ITPR2: variants seen among roughly 807,000 people sequenced by gnomAD.
ITPR2 encodes inositol 1,4,5-trisphosphate-gated calcium channel ITPR2.
Under a neutral mutation model 317.1 loss-of-function variants are expected in ITPR2, and 207 were observed. The observed-to-expected ratio is 0.65, with a 90% confidence interval of 0.58 to 0.73. ITPR2 has a LOEUF of 0.73. Ranked by LOEUF, ITPR2 falls within the 30% of genes least tolerant of loss-of-function variation. The pLI is 0.00. For missense variants in ITPR2, 2,613 were observed against 3,284.0 expected, an observed-to-expected ratio of 0.80 and a Z score of 4.99; for synonymous variants, 1,156 against 1,149.1, an observed-to-expected ratio of 1.01 and a Z score of -0.12.
At chr12:26,668,718 T>G (rs1226123152) in intron 13 of ITPR2, among the ~76,000 whole-genome samples, 1 of 152,078 alleles carries the variant, frequency 6.6e-6, no homozygotes. Context: ...GAGTGTGTAT[T>G]CAGTCTTCAA....
chr12:26,780,871 G>A (rs1950062952), intron 2 of ITPR2, among the ~76,000 whole-genome samples: 1 of 152,086 alleles, frequency 6.6e-6, no homozygotes, highest in Non-Finnish European at 1.5e-5. Context: ...CCACCAGGAG[G>A]CACAATTACA....
intron 37 of ITPR2, among the ~76,000 whole-genome samples, chr12:26,526,997 T>C (rs1232294427): frequency 1.3e-5 from 2 of 152,216 alleles, no homozygotes; most frequent in Admixed American, 6.5e-5. Context: ...TTCTACCTTC[T>C]TTATGAAATA....
intron 1 of ITPR2, among the ~76,000 whole-genome samples, chr12:26,817,907 C>A (rs546753655): frequency 9.5e-4 from 145 of 152,292 alleles, no homozygotes; most frequent in African/African-American, 3.3e-3. Flanking sequence ...AAATACCTGA[C>A]TGCAAAGTAT....
intron 45 of ITPR2, among the ~76,000 whole-genome samples, chr12:26,460,597 G>A (rs1941994004): frequency 6.6e-6 from 1 of 152,150 alleles, no homozygotes; most frequent in African/African-American, 2.4e-5. Flanking sequence ...GAAGGAAGCT[G>A]AGAAGGTGAA....
intron 25 of ITPR2, among the ~76,000 whole-genome samples, chr12:26,622,023 G>A (rs1946507441): frequency 6.6e-6 from 1 of 152,142 alleles, no homozygotes; most frequent in African/African-American, 2.4e-5. Context: ...CCTTTCATTT[G>A]TTTTAAAGAC....
At chr12:26,376,697 T>TC in intron 55 of ITPR2, among the ~76,000 whole-genome samples, 1 of 150,406 alleles carries the variant, frequency 6.6e-6, no homozygotes, top group Non-Finnish European at 1.5e-5. Flanking sequence ...CAATTCTTTC[T>TC]TTTTTTTTCT....
chr12:26,677,327 C>T (rs987128472), intron 13 of ITPR2, among the ~76,000 whole-genome samples: 1 of 152,256 alleles, frequency 6.6e-6, no homozygotes, highest in Admixed American at 6.5e-5. Flanking sequence ...CAGCCAGGCA[C>T]GGTGGCTCAC....
At chr12:26,719,292 T>C (rs1189512252) in intron 5 of ITPR2, among the ~76,000 whole-genome samples, 1 of 152,220 alleles carries the variant, frequency 6.6e-6, no homozygotes, top group Non-Finnish European at 1.5e-5. Context: ...TGGGGTCAGG[T>C]GCTTTCTGAG....
chr12:26,498,775 A>C (rs1036261479), intron 37 of ITPR2, among the ~76,000 whole-genome samples: 1 of 152,228 alleles, frequency 6.6e-6, no homozygotes, highest in Admixed American at 6.5e-5. Flanking sequence ...TATTGTGAAG[A>C]GGACTGAACC....
At chr12:26,461,063 G>C (rs1942007237) in intron 45 of ITPR2, among the ~76,000 whole-genome samples, 1 of 152,140 alleles carries the variant, frequency 6.6e-6, no homozygotes, top group Admixed American at 6.5e-5. Context: ...GGCTTCCACT[G>C]TCCATAGAAT....
chr12:26,559,372 T>C (rs954957804), intron 35 of ITPR2, among the ~76,000 whole-genome samples: 15 of 152,246 alleles, frequency 9.9e-5, no homozygotes, highest in African/African-American at 3.1e-4. Flanking sequence ...CTCATAGTTC[T>C]GGAGGCTGCA....
chr12:26,725,698 T>A lies in ITPR2; in HGVS notation c.231A>T (p.Gln77His), dbSNP rs1185726988. 6.2e-7 allele frequency: 1 copy of A among 1,613,480 alleles called. No individual in the cohort carries two copies. Among genetic ancestry groups the A allele is most frequent in the Non-Finnish European group, 8.5e-7 (1 of 1,179,560 alleles). ...SAQKQYWKAKQAKQGNHTEAA... is the reference protein window; with the variant it reads ...SAQKQYWKAKHAKQGNHTEAA... ...CCTCGGTGTGGTTCCCTTGTTTGGC[T>A]TGCTTTGCTTTCCAATATTGCTTCT... Residue 77 changes from glutamine to histidine, a missense_variant, in exon 3 of 57, where the codon CAA becomes CAT. Physicochemically the swap from Gln to His is conservative, Grantham distance 24. Around this residue, in one of 9 missense-constraint regions of ITPR2, gnomAD observed 515 missense variants for 789.4 expected, o/e 0.65. Transcript: ENST00000381340.
chr12:26,518,535 G>C (rs866038530), intron 37 of ITPR2, among the ~76,000 whole-genome samples: 1 of 147,626 alleles, frequency 6.8e-6, no homozygotes, highest in African/African-American at 2.7e-5. Context: ...GTCGGGGAAG[G>C]GGGGGCGGGA....
intron 26 of ITPR2, among the ~76,000 whole-genome samples, chr12:26,619,428 C>A (rs1946445985): frequency 6.6e-6 from 1 of 152,150 alleles, no homozygotes; most frequent in Admixed American, 6.6e-5. Context: ...GTGGTGTATC[C>A]TAGCTTGGGC....
At chr12:26,428,153 T>G in intron 48 of ITPR2, 65 bp from the exon 49 acceptor site, 1 of 1,274,626 alleles carries the variant, frequency 7.8e-7, no homozygotes, top group African/African-American at 1.5e-5. Flanking sequence ...AAATATTTGC[T>G]GCTCTACTTT....
intron 2 of ITPR2, among the ~76,000 whole-genome samples, chr12:26,733,874 T>A (rs971477179): frequency 6.6e-6 from 1 of 152,206 alleles, no homozygotes; most frequent in Non-Finnish European, 1.5e-5. Flanking sequence ...ATAAGCTGAC[T>A]GATTCAGAAA....
At chr12:26,780,477 T>C (rs1286343060) in intron 2 of ITPR2, among the ~76,000 whole-genome samples, 1 of 152,188 alleles carries the variant, frequency 6.6e-6, no homozygotes, top group Non-Finnish European at 1.5e-5. Flanking sequence ...ACTCACTTTA[T>C]AGCTAAAGAA....
intron 55 of ITPR2, among the ~76,000 whole-genome samples, chr12:26,351,068 G>T (rs1193665284): frequency 6.6e-6 from 1 of 152,210 alleles, no homozygotes; most frequent in Non-Finnish European, 1.5e-5. Flanking sequence ...AATAACTTTA[G>T]CAGCACTGCT....
chr12:26,495,252 T>A lies in ITPR2; in HGVS notation c.5082A>T (p.Thr1694=). ...KKDSFVEEGN[T]LRKILLNRYF... ...ATCGATTCAGAAGTATCTTTCTTAA[T>A]GTGTTACCCTAATAAGAAGGATAAC... Residue 1694 remains threonine, a synonymous_variant, in exon 38 of 57, where the codon ACA becomes ACT. Transcript: ENST00000381340. 6.5e-7 allele frequency: 1 copy of A among 1,540,512 alleles called. No homozygotes were observed.
Sources: gnomAD v4.1 joint callset for allele counts (sites outside exome capture counted in the v4.1 genomes callset) on GRCh38, gnomAD v4.1.1 for gene constraint, gnomAD v4.1.1 regional missense constraint, MANE v1.5 for transcripts, NCBI Gene and HGNC (gene_info 2026-07-23, HGNC 2026-07-21) for gene names.